ZNF461: variants seen among roughly 807,000 people sequenced by gnomAD.
The protein encoded by ZNF461 is zinc finger protein 461.
Under a neutral mutation model 18.3 loss-of-function variants are expected in ZNF461, and 16 were observed. That is an observed-to-expected ratio of 0.88 (90% CI 0.59 to 1.33). The LOEUF (loss-of-function observed/expected upper bound fraction) is 1.33. Ranked by LOEUF, ZNF461 falls within the 40% of genes most tolerant of loss-of-function variation. The pLI is 0.00. For missense variants in ZNF461, 595 were observed against 669.9 expected, an observed-to-expected ratio of 0.89 and a Z score of 1.23; for synonymous variants, 179 against 216.9, an observed-to-expected ratio of 0.83 and a Z score of 1.54.
chr19:36,664,023 G>A (rs1231482639), intron 2 of ZNF461, among the ~76,000 whole-genome samples: 1 of 152,074 alleles, frequency 6.6e-6, no homozygotes, highest in Non-Finnish European at 1.5e-5. Context: ...TCACATAGTA[G>A]GTACTCAATA....
At chr19:36,655,995 T>A (rs1027915918) in intron 4 of ZNF461, among the ~76,000 whole-genome samples, 2 of 141,904 alleles carry the variant, frequency 1.4e-5, no homozygotes, top group African/African-American at 2.5e-5. Flanking sequence ...CTTTAGAATA[T>A]CTTTTTTTTT....
chr19:36,639,433 T>G lies in ZNF461; in HGVS notation c.912A>C (p.Lys304Asn), dbSNP rs780576433. ...GCTGTCTAAAGGCCTTCCCACATTC[T>G]TTACATTCATAAGGTTTCTCACCAG... ...IHTGEKPYEC[K>N]ECGKAFRQRS... is the part of the protein sequence containing the mutation. Residue 304 changes from lysine (K) to asparagine (N), a missense_variant, in exon 6 of 6, where the codon AAA becomes AAC. Lys to Asn is a moderately conservative substitution (Grantham distance 94). Transcript: ENST00000588268. 4 of 1,613,628 alleles carry G rather than the reference T, an allele frequency of 2.5e-6. No homozygotes were observed. Among genetic ancestry groups the G allele is most frequent in the South Asian group, 1.1e-5 (1 of 91,044 alleles).
chr19:36,664,568 C>T, intron 2 of ZNF461, 130 bp downstream of exon 2: 1 of 666,048 alleles, frequency 1.5e-6, no homozygotes, highest in South Asian at 3.1e-5. Context: ...AACCTTCCCA[C>T]CTGGGAGACA....
intron 3 of ZNF461, 172 bp downstream of exon 3, chr19:36,658,127 G>A (rs548129942): frequency 1.3e-5 from 8 of 617,984 alleles, no homozygotes; most frequent in Admixed American, 3.3e-5. Flanking sequence ...AAATGAAAAT[G>A]TACCTCCATT....
intron 5 of ZNF461, among the ~76,000 whole-genome samples, chr19:36,641,117 A>T (rs182514446): frequency 3.9e-5 from 6 of 152,172 alleles, no homozygotes; most frequent in African/African-American, 9.7e-5. Context: ...GCTTCATTTC[A>T]TCTAAGTCTC....
chr19:36,664,604 A>G, intron 2 of ZNF461, 94 bp downstream of exon 2: 1 of 1,064,996 alleles, frequency 9.4e-7, no homozygotes, highest in South Asian at 2.0e-5. Context: ...AAAAAAAAAA[A>G]AAGCAAATAG....
At chr19:36,647,859 G>T (rs907621716) in intron 4 of ZNF461, among the ~76,000 whole-genome samples, 1 of 151,958 alleles carries the variant, frequency 6.6e-6, no homozygotes, top group African/African-American at 2.4e-5. Flanking sequence ...CCTCATGATG[G>T]TGAGTGAGTT....
chr19:36,642,382 G>T (rs2037441336), intron 5 of ZNF461, among the ~76,000 whole-genome samples: 1 of 152,142 alleles, frequency 6.6e-6, no homozygotes, highest in African/African-American at 2.4e-5. Flanking sequence ...CAGGCCTGAG[G>T]AAATATGTAA....
Position 36,638,773 on chromosome 19 carries a change from A to C in ZNF461, c.1572T>G (p.Pro524=). The change falls in exon 6 of 6, where the codon CCT becomes CCG. Residue 524 remains proline, a synonymous_variant. Transcript: ENST00000588268. ...HHQRIHSGKK[P]YQCGKAFNHR... ...GATTAAACGCCTTCCCGCATTGATA[A>C]GGTTTCTTTCCAGAATGAATTCTCT... 2 of 1,614,176 alleles carry C rather than the reference A, an allele frequency of 1.2e-6. No individual in the cohort carries two copies. The highest frequency in any genetic ancestry group is 1.7e-6 in the Non-Finnish European group (2 of 1,180,032).
At chr19:36,665,934 A>T (rs545248577) in intron 1 of ZNF461, among the ~76,000 whole-genome samples, 1 of 152,054 alleles carries the variant, frequency 6.6e-6, no homozygotes, top group East Asian at 1.9e-4. Flanking sequence ...TGGATGAATG[A>T]CAGATCTCTG....
At chr19:36,642,008 C>T (rs1205286817) in intron 5 of ZNF461, among the ~76,000 whole-genome samples, 2 of 152,242 alleles carry the variant, frequency 1.3e-5, no homozygotes, top group East Asian at 1.9e-4. Flanking sequence ...ACTGCAGGCC[C>T]GACCTCCTGA....
intron 4 of ZNF461, among the ~76,000 whole-genome samples, chr19:36,656,142 C>T (rs1310545906): frequency 4.0e-5 from 6 of 151,634 alleles, no homozygotes; most frequent in Admixed American, 6.6e-5. Flanking sequence ...GGACTACAGG[C>T]GCCCACCACT....
intron 2 of ZNF461, among the ~76,000 whole-genome samples, chr19:36,661,685 A>G (rs2037821526): frequency 6.9e-6 from 1 of 145,724 alleles, no homozygotes; most frequent in East Asian, 1.9e-4. Flanking sequence ...ATCTGAGAGA[A>G]TGTGTCACCA....
intron 2 of ZNF461, 77 bp downstream of exon 2, chr19:36,664,621 G>T: frequency 3.6e-6 from 4 of 1,123,220 alleles, no homozygotes; most frequent in Non-Finnish European, 3.7e-6. Flanking sequence ...ATAGTCACAT[G>T]CCCTATACAA....
Position 36,640,709 on chromosome 19 carries a change from T to C in ZNF461, c.302-666A>G, listed in dbSNP as rs545013507. On this transcript the variant is annotated intron_variant, in intron 5 of 5. Coordinates refer to ENST00000588268, the MANE Select transcript of ZNF461 (RefSeq NM_153257.5). The stretch of plus-strand genomic sequence containing the variant: ...ATTTGCTGTCATGTCTATCAAATAA[T>C]GGTTTTGCAGAGTAGATACCTTTCT... Among the ~76,000 whole-genome samples the C allele has an allele frequency of 2.6e-5, 4 of 152,348 alleles. No homozygotes were observed. In the East Asian group the frequency reaches 7.7e-4, roughly 29 times the overall value.
intron 4 of ZNF461, among the ~76,000 whole-genome samples, chr19:36,652,797 G>A (rs576575780): frequency 5.9e-5 from 9 of 152,126 alleles, no homozygotes; most frequent in African/African-American, 9.6e-5. Context: ...CCTTGCTACC[G>A]CTCAAAAAAA....
At chr19:36,665,030 A>T (rs1212653431) in intron 1 of ZNF461, among the ~76,000 whole-genome samples, 1 of 152,210 alleles carries the variant, frequency 6.6e-6, no homozygotes, top group Non-Finnish European at 1.5e-5. Context: ...CAGAAGGGAT[A>T]GTTAGGCCAG....
At position 36,639,110 on chromosome 19, in the gene ZNF461, G is replaced by A; in HGVS notation, c.1235C>T (p.Pro412Leu). ...CTTCCCACATTCATGACATTCATAA[G>A]GTTTCTTGCCAGAATGAATTTTCTG... Reference protein sequence around the residue: ...HHQKIHSGKKPYECHECGKAF... With the variant: ...HHQKIHSGKKLYECHECGKAF... Residue 412 changes from proline (P) to leucine (L), a missense_variant, in exon 6 of 6, where the codon CCT becomes CTT. Pro to Leu is a moderately conservative substitution (Grantham distance 98). Transcript: ENST00000588268. The A allele has an allele frequency of 1.2e-6, 2 of 1,613,218 alleles. No individual in the cohort carries two copies. Among genetic ancestry groups the A allele is most frequent in the Non-Finnish European group, 1.7e-6 (2 of 1,179,852 alleles).
intron 1 of ZNF461, among the ~76,000 whole-genome samples, chr19:36,666,417 G>A (rs2037940798): frequency 6.6e-6 from 1 of 151,874 alleles, no homozygotes; most frequent in Non-Finnish European, 1.5e-5. Context: ...TTTCTTTCAC[G>A]TAAATAAATG....
Sources: gnomAD v4.1 joint callset for allele counts (sites outside exome capture counted in the v4.1 genomes callset) on GRCh38, gnomAD v4.1.1 for gene constraint, MANE v1.5 for transcripts, NCBI Gene and HGNC (gene_info 2026-07-23, HGNC 2026-07-21) for gene names.